Variants in EPHB6 observed in about 807,000 individuals in gnomAD.
The protein encoded by EPHB6 is EPH receptor B6.
A neutral mutation model predicts 107.0 loss-of-function variants in EPHB6; 51 were observed. That is an observed-to-expected ratio of 0.48 (90% confidence interval 0.38 to 0.60). EPHB6 has a LOEUF of 0.60. Ranked by LOEUF, EPHB6 falls within the 20% of genes least tolerant of loss-of-function variation. The probability of loss-of-function intolerance (pLI) is 0.00; values close to 1 mark genes in which losing one functional copy is unlikely to be tolerated. For synonymous variants in EPHB6, 553 were observed against 549.0 expected (o/e 1.01, Z -0.10); for missense variants, 1,141 against 1,355.5 (o/e 0.84, Z 2.48).
At chr7:142,863,746 T>A (rs373772980) in intron 6 of EPHB6, 51 bp downstream of exon 6, 106 of 1,588,404 alleles carry the variant, frequency 6.7e-5, no homozygotes, top group Non-Finnish European at 8.7e-5. Context: ...TGCCCCTCCC[T>A]GTTCCCTGGA....
rs1376797798 is a variant in EPHB6 at position 142,866,564 on chromosome 7, A to T, written c.1546A>T (p.Asn516Tyr). 2 of 1,614,090 alleles carry T rather than the reference A, an allele frequency of 1.2e-6. No homozygotes were observed. Among genetic ancestry groups the T allele is most frequent in the Admixed American group, 3.3e-5 (2 of 60,026 alleles). The change falls in exon 10 of 20, where the codon AAT (asparagine) becomes TAT (tyrosine). Residue 516 changes from asparagine to tyrosine, a missense_variant. By Grantham distance (143) the Asn-to-Tyr change is moderately radical. Around this residue, in one of 3 missense-constraint regions of EPHB6, gnomAD observed 616 missense variants for 759.3 expected, o/e 0.81. Coordinates refer to ENST00000652003, the MANE Select transcript of EPHB6 (RefSeq NM_004445.6). The surrounding 1 kb of genome is among the most constrained non-coding windows in gnomAD (Gnocchi z 5.2). ...TVSWPQPDQT[N>Y]GNILDYQLRY... Reference sequence around the variant, plus strand: ...GTCCTGGCCGCAGCCCGACCAGACCAATGGGAACATCCTGGACTATCAGCT... The same window carrying T: ...GTCCTGGCCGCAGCCCGACCAGACCTATGGGAACATCCTGGACTATCAGCT...
At chr7:142,857,623 T>C (rs1345943809) in intron 1 of EPHB6, among the ~76,000 whole-genome samples, 2 of 152,324 alleles carry the variant, frequency 1.3e-5, no homozygotes, top group South Asian at 4.1e-4. Context: ...CGCTTTGCCC[T>C]TGGGACTGTT....
chr7:142,864,456 C>T lies in EPHB6; in HGVS notation c.656C>T (p.Ala219Val), dbSNP rs1396467933. 1.9e-6 allele frequency: 3 copies of T among 1,612,612 alleles called. No individual in the cohort carries two copies. The highest frequency in any genetic ancestry group is 2.5e-6 in the Non-Finnish European group (3 of 1,179,642). Reference sequence around the variant, plus strand: ...TACGTGGCCTTCCAGGACACGGGGGCCTGCCTGGCCCTGGTCGCTGTCAGG... The same window carrying T: ...TACGTGGCCTTCCAGGACACGGGGGTCTGCCTGGCCCTGGTCGCTGTCAGG... ...GFYVAFQDTG[A>V]CLALVAVRLF... Residue 219 changes from alanine to valine, a missense_variant, in exon 7 of 20, where the codon GCC becomes GTC. By Grantham distance (64) the Ala-to-Val change is moderately conservative (BLOSUM62 0). Coordinates refer to ENST00000652003, the MANE Select transcript of EPHB6 (RefSeq NM_004445.6).
chr7:142,868,728 A>G lies in EPHB6; in HGVS notation c.2275A>G (p.Ser759Gly), dbSNP rs537308318. ...GTTCATGGAGCTTGGCCCCCTGGAC[A>G]GCTTCCTCAGGGTCAGTCCAGCCTG... ...TEFMELGPLD[S>G]FLRQREGQFS... Residue 759 changes from serine to glycine, a missense_variant, in exon 15 of 20, where the codon AGC (serine) becomes GGC (glycine). By Grantham distance (56) the Ser-to-Gly change is moderately conservative. This residue lies in a region of EPHB6 where 616 missense variants were observed against 759.3 expected (regional missense o/e 0.81). Transcript: ENST00000652003. The surrounding 1 kb of genome is among the most constrained non-coding windows in gnomAD (Gnocchi z 4.2). 3 of 1,613,888 alleles carry G rather than the reference A, an allele frequency of 1.9e-6. No homozygotes were observed. Among genetic ancestry groups the G allele is most frequent in the East Asian group, 2.2e-5 (1 of 44,866 alleles).
chr7:142,856,031 C>T (rs1245806541), intron 1 of EPHB6, among the ~76,000 whole-genome samples: 1 of 152,218 alleles, frequency 6.6e-6, no homozygotes, highest in Non-Finnish European at 1.5e-5. Flanking sequence ...CGATCTTGGC[C>T]GTCTGGCACC....
chr7:142,870,891 C>T lies in EPHB6; in HGVS notation c.3056C>T (p.Ser1019Leu), dbSNP rs540218184. ...LLQQHLRQQG[S>L]VEV Reference sequence around the variant, plus strand: ...CAGCAACACCTGAGGCAGCAGGGCTCAGTGGAGGTCTGAGAATGACGATAC... The same window carrying T: ...CAGCAACACCTGAGGCAGCAGGGCTTAGTGGAGGTCTGAGAATGACGATAC... The change falls in exon 20 of 20, where the codon TCA (serine) becomes TTA (leucine). Residue 1019 changes from serine (S) to leucine (L), a missense_variant. Ser to Leu is a moderately radical substitution (Grantham distance 145). Around this residue, in one of 3 missense-constraint regions of EPHB6, gnomAD observed 616 missense variants for 759.3 expected, o/e 0.81. Transcript: ENST00000652003. 9 of 1,613,420 alleles carry T rather than the reference C, an allele frequency of 5.6e-6. No homozygotes were observed. Among genetic ancestry groups the T allele is most frequent in the Middle Eastern group, 3.3e-4 (2 of 6,058 alleles).
At position 142,868,186 on chromosome 7, in the gene EPHB6, C is replaced by A. The variant is rs774097163; in HGVS notation, c.1919-55C>A. 3 of 1,614,032 alleles carry A rather than the reference C, an allele frequency of 1.9e-6. No homozygotes were observed. The highest frequency in any genetic ancestry group is 2.5e-6 in the Non-Finnish European group (3 of 1,179,976). On this transcript the variant is annotated intron_variant, in intron 13 of 19. Coordinates refer to ENST00000652003, the MANE Select transcript of EPHB6 (RefSeq NM_004445.6). The surrounding 1 kb of genome is among the most constrained non-coding windows in gnomAD (Gnocchi z 4.2). The stretch of plus-strand genomic sequence containing the variant: ...GAGGTAAGTGGGCATGTCTGGGGTG[C>A]GCGGGCAGCCCTGCCTTTCACAACA...
In EPHB6 at chr7:142,865,956, C is replaced by G. The variant is rs763127655; in HGVS notation, c.1106-4C>G. On this transcript the variant is annotated splice_region_variant and splice_polypyrimidine_tract_variant and intron_variant, in intron 8 of 19. Coordinates refer to ENST00000652003, the MANE Select transcript of EPHB6 (RefSeq NM_004445.6). ...TTGGACTGCCATATCCTCCGGCCCC[C>G]CAGGTCCTCCATCGGCTCCCCAGGA... 2.5e-6 allele frequency: 4 copies of G among 1,613,676 alleles called. No homozygotes were observed. In the African/African-American group the frequency reaches 5.3e-5, roughly 22 times the overall value.
rs543365423 is a variant in EPHB6, at chr7:142,855,570, G to C, written c.-432+185G>C. Among the ~76,000 whole-genome samples the C allele has an allele frequency of 2.6e-5, 4 of 152,266 alleles. No individual in the cohort carries two copies. Among genetic ancestry groups the C allele is most frequent in the Non-Finnish European group, 5.9e-5 (4 of 67,996 alleles). The stretch of plus-strand genomic sequence containing the variant: ...TGAAGGGTGAGGAAACGGTCAACCT[G>C]GCTACTCCCCTCTCACTCCACTCTG... On this transcript the variant is annotated intron_variant, in intron 1 of 19. Transcript: ENST00000652003. The surrounding 1 kb of genome is among the most constrained non-coding windows in gnomAD (Gnocchi z 4.2).
rs1794763943 is a variant in EPHB6, at chr7:142,869,029, C to G, written c.2342C>G (p.Ala781Gly). 1.2e-6 allele frequency: 2 copies of G among 1,612,614 alleles called. No homozygotes were observed. The highest frequency in any genetic ancestry group is 1.7e-6 in the Non-Finnish European group (2 of 1,179,946). The change falls in exon 16 of 20, where the codon GCT (alanine) becomes GGT (glycine). Residue 781 changes from alanine to glycine, a missense_variant. Transcript: ENST00000652003. The surrounding 1 kb of genome is among the most constrained non-coding windows in gnomAD (Gnocchi z 4.5). ...CTGGTGGCCATGCAGCGGGGAGTGG[C>G]TGCTGCCATGCAGTACCTGTCCAGC... ...LQLVAMQRGVAAAMQYLSSFA... is the reference protein window; with the variant it reads ...LQLVAMQRGVGAAMQYLSSFA...
chr7:142,868,772 T>C lies in EPHB6; in HGVS notation c.2286+33T>C. 2 of 1,613,610 alleles carry C rather than the reference T, an allele frequency of 1.2e-6. No homozygotes were observed. The highest frequency in any genetic ancestry group is 1.7e-6 in the Non-Finnish European group (2 of 1,179,998). ...CAGCCTGGGTGAAGGAGGAGGGTCCTTGGGTCCAGGAAAGCTTCCAGGAGA... is the reference window on the plus strand; with the variant it reads ...CAGCCTGGGTGAAGGAGGAGGGTCCCTGGGTCCAGGAAAGCTTCCAGGAGA... On this transcript the variant is annotated intron_variant, in intron 15 of 19. Coordinates refer to ENST00000652003, the MANE Select transcript of EPHB6 (RefSeq NM_004445.6). The surrounding 1 kb of genome is among the most constrained non-coding windows in gnomAD (Gnocchi z 4.2).
rs538453860 is a variant in EPHB6, at chr7:142,867,349, G to A, written c.1751-259G>A. The A allele has an allele frequency of 7.8e-5, 47 of 602,796 alleles. No individual in the cohort carries two copies. Among genetic ancestry groups the A allele is most frequent in the South Asian group, 1.3e-4 (7 of 53,356 alleles). The allele number at this position is 602,796 out of a possible 1,614,324, so 37.3% of individuals were successfully genotyped here. On this transcript the variant is annotated intron_variant, in intron 11 of 19. Coordinates refer to ENST00000652003, the MANE Select transcript of EPHB6 (RefSeq NM_004445.6). This position sits in a 1 kb window ranked among gnomAD's most constrained non-coding sequence, Gnocchi z 5.3. ...GTGTGGATGTGGGAGGGCTGTGGGC[G>A]TGTGTGTGTGTTGTGTGTCCCTGTG...
rs753188587 is a variant in EPHB6, at chr7:142,864,680, A to C, written c.880A>C (p.Met294Leu). The C allele has an allele frequency of 1.2e-6, 2 of 1,612,926 alleles. No homozygotes were observed. Among genetic ancestry groups the C allele is most frequent in the South Asian group, 2.2e-5 (2 of 91,082 alleles). The change falls in exon 7 of 20, where the codon ATG becomes CTG. Residue 294 changes from methionine to leucine, a missense_variant. This residue lies in a region of EPHB6 where 304 missense variants were observed against 295.7 expected (regional missense o/e 1.03). Coordinates refer to ENST00000652003, the MANE Select transcript of EPHB6 (RefSeq NM_004445.6). ...GCACTGCAACGGGGAGGGCAAGTGG[A>C]TGGTAGCTGTCGGGGGCTGCCGCTG... The part of the protein sequence containing the change: ...RLHCNGEGKW[M>L]VAVGGCRCQP...
Position 142,867,635 on chromosome 7 carries a change from G to A in EPHB6, c.1778G>A (p.Arg593Lys). ...QGELSSQLPE[R>K]LSLVIGSILG... The stretch of plus-strand genomic sequence containing the variant: ...GAGCTGTCTTCCCAGCTTCCAGAAA[G>A]ACTCTCCTTGGTGATCGGCTCCATC... The change falls in exon 12 of 20, where the codon AGA (arginine) becomes AAA (lysine). Residue 593 changes from arginine to lysine, a missense_variant. By Grantham distance (26) the Arg-to-Lys change is conservative. Transcript: ENST00000652003. This position sits in a 1 kb window ranked among gnomAD's most constrained non-coding sequence, Gnocchi z 5.3. The A allele has an allele frequency of 6.2e-7, 1 of 1,613,446 alleles. No homozygotes were observed. Among genetic ancestry groups the A allele is most frequent in the Non-Finnish European group, 8.5e-7 (1 of 1,179,922 alleles).
chr7:142,864,791 C>A (rs749323490), intron 7 of EPHB6, 42 bp downstream of exon 7: 1 of 1,610,662 alleles, frequency 6.2e-7, no homozygotes, highest in East Asian at 2.2e-5. Context: ...CACCTCCCAC[C>A]CACCCCCAGC....
In EPHB6 at chr7:142,868,987, A is replaced by G; in HGVS notation, c.2300A>G (p.Gln767Arg). 7.5e-6 allele frequency: 12 copies of G among 1,609,806 alleles called. No individual in the cohort carries two copies. Among genetic ancestry groups the G allele is most frequent in the Non-Finnish European group, 1.0e-5 (12 of 1,179,900 alleles). The part of the protein sequence containing the change: ...LDSFLRQREG[Q>R]FSSLQLVAMQ... ...CCTTCCCCTCAGCAGCGGGAGGGCC[A>G]GTTCAGCAGCCTGCAGCTGGTGGCC... Residue 767 changes from glutamine to arginine, a missense_variant, in exon 16 of 20, where the codon CAG (glutamine) becomes CGG (arginine). Physicochemically the swap from Gln to Arg is conservative, Grantham distance 43 (BLOSUM62 1). This residue lies in a region of EPHB6 where 616 missense variants were observed against 759.3 expected (regional missense o/e 0.81). Transcript: ENST00000652003. The surrounding 1 kb of genome is among the most constrained non-coding windows in gnomAD (Gnocchi z 4.2).
chr7:142,863,824 A>C (rs923616037), intron 6 of EPHB6, 129 bp downstream of exon 6: 1 of 1,486,878 alleles, frequency 6.7e-7, no homozygotes, highest in Non-Finnish European at 9.4e-7. Flanking sequence ...CTAGAGCACC[A>C]AGATTTCAAG....
Position 142,867,136 on chromosome 7 carries a change from A to G in EPHB6, c.1750+68A>G. On this transcript the variant is annotated intron_variant, in intron 11 of 19. Transcript: ENST00000652003. The surrounding 1 kb of genome is among the most constrained non-coding windows in gnomAD (Gnocchi z 5.3). ...GTGGGTAGTGAGGAGAGGCCCAGGGACTGTCCGGCCTTGAACCCTGGCCCC... is the reference window on the plus strand; with the variant it reads ...GTGGGTAGTGAGGAGAGGCCCAGGGGCTGTCCGGCCTTGAACCCTGGCCCC... 1 of 1,566,508 alleles carries G rather than the reference A, an allele frequency of 6.4e-7. No homozygotes were observed. Among genetic ancestry groups the G allele is most frequent in the East Asian group, 2.3e-5 (1 of 44,444 alleles).
chr7:142,865,521 C>T lies in EPHB6; in HGVS notation c.996C>T (p.Cys332=), dbSNP rs1446540740. 2 of 1,613,450 alleles carry T rather than the reference C, an allele frequency of 1.2e-6. No homozygotes were observed. The highest frequency in any genetic ancestry group is 1.7e-6 in the Non-Finnish European group (2 of 1,179,944). Residue 332 remains cysteine, a synonymous_variant, in exon 8 of 20, where the codon TGC becomes TGT. Transcript: ENST00000652003. ...AGGCTTCTGCTGGGAATGCTCCCTG[C>T]TCACCATGCCCTGCCCGCAGTCACG... ...LYKASAGNAP[C]SPCPARSHAP...
Sources: gnomAD v4.1 joint callset for allele counts (sites outside exome capture counted in the v4.1 genomes callset) on GRCh38, gnomAD v4.1.1 for gene constraint, gnomAD v4.1.1 regional missense constraint, Gnocchi (gnomAD v3.1) non-coding constraint, MANE v1.5 for transcripts, NCBI Gene and HGNC (gene_info 2026-07-23, HGNC 2026-07-21) for gene names.